Variants in ADGRB3 observed in about 807,000 individuals in gnomAD.
ADGRB3 encodes the protein adhesion G protein-coupled receptor B3, also known as brain-specific angiogenesis inhibitor 3.
Under a neutral mutation model 193.4 loss-of-function variants are expected in ADGRB3, and 37 were observed. That is an observed-to-expected ratio of 0.19 (90% CI 0.15 to 0.25). The LOEUF (loss-of-function observed/expected upper bound fraction) is 0.25. Among genes scored for constraint, ADGRB3 ranks in the 10% least tolerant of loss-of-function variants. ADGRB3 has a pLI of 1.00. For synonymous variants in ADGRB3, 690 were observed against 644.2 expected (o/e 1.07, Z -1.08); for missense variants, 1,637 against 1,852.9 (o/e 0.88, Z 2.14).
rs187674397 is a variant in ADGRB3 at position 69,030,504 on chromosome 6, C to T, written c.2107+12005C>T. Among the ~76,000 whole-genome samples the T allele has an allele frequency of 3.2e-3, 491 of 152,232 alleles. 2 individuals carry two copies. Among genetic ancestry groups the T allele is most frequent in the African/African-American group, 0.011 (475 of 41,532 alleles). On this transcript the variant is annotated intron_variant, in intron 13 of 31. Transcript: ENST00000370598. ...GCTGGAAACCATCATTCTTAGCAAA[C>T]TAACACAAGAACAGAAAATCAAACA...
chr6:68,937,071 C>CT (rs1440893763), intron 5 of ADGRB3, among the ~76,000 whole-genome samples: 1 of 152,200 alleles, frequency 6.6e-6, no homozygotes, highest in African/African-American at 2.4e-5. Flanking sequence ...TTGACATAGT[C>CT]TGTCAGGCAG....
At chr6:68,855,248 G>C (rs1394863961) in intron 3 of ADGRB3, among the ~76,000 whole-genome samples, 1 of 152,052 alleles carries the variant, frequency 6.6e-6, no homozygotes, top group Non-Finnish European at 1.5e-5. Context: ...GCCTTTTAAA[G>C]ACAATAAAAA....
At chr6:68,879,291 A>C (rs1412867582) in intron 3 of ADGRB3, among the ~76,000 whole-genome samples, 8 of 132,872 alleles carry the variant, frequency 6.0e-5, no homozygotes, top group African/African-American at 8.9e-5. Flanking sequence ...ATCTCGGCTC[A>C]CTGCAAGCTC....
chr6:68,776,057 G>A (rs571284372), intron 3 of ADGRB3, among the ~76,000 whole-genome samples: 10 of 152,194 alleles, frequency 6.6e-5, no homozygotes, highest in South Asian at 2.1e-4. Context: ...CTTTTAGTGC[G>A]TAGAATGAAT....
intron 4 of ADGRB3, among the ~76,000 whole-genome samples, chr6:68,935,367 T>C (rs140506959): frequency 2.4e-4 from 36 of 152,300 alleles, no homozygotes; most frequent in African/African-American, 8.4e-4. Flanking sequence ...GCAAATAATT[T>C]TCAAGTCATT....
intron 2 of ADGRB3, among the ~76,000 whole-genome samples, 177 bp downstream of exon 2, chr6:68,637,739 A>G (rs2127273653): frequency 6.6e-6 from 1 of 152,288 alleles, no homozygotes; most frequent in Admixed American, 6.5e-5. Context: ...CTTAAATTAC[A>G]GTTGATAAGA....
At chr6:69,232,973 G>A (rs1245225085) in intron 17 of ADGRB3, 1 of 433,946 alleles carries the variant, frequency 2.3e-6, no homozygotes, top group Non-Finnish European at 4.1e-6. Flanking sequence ...CCAACGCTCT[G>A]GCGGCTGCTC....
chr6:69,340,794 G>A (rs899567095), intron 26 of ADGRB3, among the ~76,000 whole-genome samples: 29 of 152,062 alleles, frequency 1.9e-4, no homozygotes, highest in African/African-American at 7.0e-4. Flanking sequence ...GACCTGGTGT[G>A]TGTTGTTACC....
At chr6:68,951,959 G>T (rs962428700) in intron 6 of ADGRB3, among the ~76,000 whole-genome samples, 13 of 152,052 alleles carry the variant, frequency 8.5e-5, no homozygotes, top group African/African-American at 3.1e-4. Flanking sequence ...GAAAAAAGCT[G>T]TTCCTTCACA....
At chr6:68,748,750 G>T (rs576161576) in intron 3 of ADGRB3, among the ~76,000 whole-genome samples, 1 of 152,254 alleles carries the variant, frequency 6.6e-6, no homozygotes, top group African/African-American at 2.4e-5. Context: ...GCCTCTGTGT[G>T]GGGGCTCTCA....
intron 17 of ADGRB3, among the ~76,000 whole-genome samples, chr6:69,186,733 C>A (rs980622250): frequency 6.6e-6 from 1 of 151,940 alleles, no homozygotes; most frequent in Non-Finnish European, 1.5e-5. Context: ...ATACCAACAC[C>A]AACCTGAATT....
chr6:69,308,770 A>G (rs1170297793), intron 20 of ADGRB3, among the ~76,000 whole-genome samples: 4 of 151,686 alleles, frequency 2.6e-5, no homozygotes, highest in Admixed American at 6.6e-5. Context: ...TAAATTTTCA[A>G]TGTCTACCTC....
chr6:68,725,323 G>A (rs1765654092), intron 3 of ADGRB3, among the ~76,000 whole-genome samples: 1 of 151,610 alleles, frequency 6.6e-6, no homozygotes. Context: ...AGAATCACAT[G>A]ATTAGATTTT....
At chr6:68,988,133 G>A (rs767147297) in intron 10 of ADGRB3, among the ~76,000 whole-genome samples, 19 of 152,060 alleles carry the variant, frequency 1.2e-4, no homozygotes, top group Non-Finnish European at 2.2e-4. Flanking sequence ...GTCACATAGC[G>A]TTTTAGAGAT....
chr6:69,011,431 C>T (rs1208966926), intron 11 of ADGRB3, among the ~76,000 whole-genome samples: 1 of 151,754 alleles, frequency 6.6e-6, no homozygotes. Context: ...ATATTGGGTA[C>T]TCATGCACAT....
At chr6:68,756,847 G>A (rs1372783742) in intron 3 of ADGRB3, among the ~76,000 whole-genome samples, 1 of 152,128 alleles carries the variant, frequency 6.6e-6, no homozygotes, top group Non-Finnish European at 1.5e-5. Context: ...TTCCCCCAGT[G>A]TGATAATGGA....
intron 3 of ADGRB3, among the ~76,000 whole-genome samples, chr6:68,905,102 A>C (rs1164271264): frequency 1.3e-5 from 2 of 152,182 alleles, no homozygotes; most frequent in African/African-American, 2.4e-5. Flanking sequence ...GATTGTTGGG[A>C]CTGTTACCTA....
intron 3 of ADGRB3, among the ~76,000 whole-genome samples, chr6:68,856,941 A>G (rs1765004952): frequency 1.3e-5 from 2 of 152,134 alleles, no homozygotes; most frequent in South Asian, 4.1e-4. Flanking sequence ...CCTGCATTCC[A>G]GAAGCTCCAG....
intron 13 of ADGRB3, among the ~76,000 whole-genome samples, chr6:69,028,977 C>T (rs1287467020): frequency 1.3e-5 from 2 of 152,154 alleles, no homozygotes; most frequent in South Asian, 2.1e-4. Flanking sequence ...ACCTTTCTGC[C>T]TGGGTGAGAG....
Sources: allele counts gnomAD v4.1 joint callset (sites outside exome capture counted in the v4.1 genomes callset), GRCh38; gene constraint gnomAD v4.1.1; transcripts MANE v1.5; gene names NCBI Gene and HGNC (gene_info 2026-07-23, HGNC 2026-07-21).